Variants in DYM observed in about 807,000 individuals in gnomAD.
The protein encoded by DYM is dymeclin.
Under a neutral mutation model 93.1 loss-of-function variants are expected in DYM, and 78 were observed. The ratio of observed to expected loss-of-function variants is 0.84; its 90% CI spans 0.70 to 1.01. The LOEUF (loss-of-function observed/expected upper bound fraction) is 1.01. DYM is among the 50% of genes least tolerant of loss of function. The pLI, the probability that DYM is intolerant of heterozygous loss-of-function variation, is 0.00. For missense variants in DYM, 789 were observed against 845.0 expected (o/e 0.93, Z 0.82); for synonymous variants, 321 against 319.7 (o/e 1.00, Z -0.04).
chr18:49,330,026 C>G (rs1314732001), intron 8 of DYM, among the ~76,000 whole-genome samples: 1 of 152,170 alleles, frequency 6.6e-6, no homozygotes, highest in Non-Finnish European at 1.5e-5. Context: ...AATTACATGA[C>G]TGTGATCGTT....
Position 49,378,647 on chromosome 18 carries a change from A to G in DYM, c.341T>C (p.Leu114Pro), listed in dbSNP as rs1412584637. The G allele has an allele frequency of 6.2e-7, 1 of 1,613,334 alleles. No homozygotes were observed. Among genetic ancestry groups the G allele is most frequent in the East Asian group, 2.2e-5 (1 of 44,754 alleles). Residue 114 changes from leucine (L) to proline (P), a missense_variant, in exon 5 of 18, where the codon CTG (leucine) becomes CCG (proline). This residue lies in a region of DYM where 450 missense variants were observed against 436.2 expected (regional missense o/e 1.03). Transcript: ENST00000675505. ...HNALFIICCL[L>P]KVFICQMSEE... ...TGACATCTGACAGATGAACACTTTC[A>G]GCAAACAGCAAATAATAAACAAAGC...
intron 8 of DYM, among the ~76,000 whole-genome samples, chr18:49,303,331 A>G (rs989457550): frequency 1.3e-5 from 2 of 152,158 alleles, no homozygotes; most frequent in African/African-American, 4.8e-5. Flanking sequence ...TTGTCACTAC[A>G]TTTAAGGTGC....
intron 5 of DYM, among the ~76,000 whole-genome samples, chr18:49,366,407 A>C (rs2066519349): frequency 6.6e-6 from 1 of 152,254 alleles, no homozygotes; most frequent in Admixed American, 6.5e-5. Context: ...AGGTTCTTTG[A>C]GCAAAGGTCT....
rs140506618 is a variant in DYM, at chr18:49,253,626, A to G, written c.1460+3384T>C. ...TCCAACAAGCTCCCTCCTGCATGAC[A>G]CGATGCTCTGGTCCGCACCGGCTAC... On this transcript the variant is annotated intron_variant, in intron 13 of 17. Coordinates refer to ENST00000675505, the MANE Select transcript of DYM (RefSeq NM_001353214.3). Among the ~76,000 whole-genome samples, 3 of 152,316 alleles carry G rather than the reference A, an allele frequency of 2.0e-5. No individual in the cohort carries two copies. In the East Asian group the frequency reaches 5.8e-4, roughly 29 times the overall value.
At chr18:49,189,351 C>A (rs1343553138) in intron 14 of DYM, among the ~76,000 whole-genome samples, 3 of 152,156 alleles carry the variant, frequency 2.0e-5, no homozygotes, top group African/African-American at 7.2e-5. Context: ...ATGAGTTCAA[C>A]TGCTTCTTCT....
At chr18:49,377,589 A>C (rs1396220038) in intron 5 of DYM, among the ~76,000 whole-genome samples, 2 of 152,102 alleles carry the variant, frequency 1.3e-5, no homozygotes, top group Non-Finnish European at 2.9e-5. Flanking sequence ...ATATAAATAA[A>C]AATTCTATAA....
intron 16 of DYM, among the ~76,000 whole-genome samples, chr18:49,109,980 T>C (rs765645296): frequency 6.6e-6 from 1 of 152,220 alleles, no homozygotes; most frequent in Non-Finnish European, 1.5e-5. Flanking sequence ...AACCCCACAA[T>C]ACATTGTTAC....
chr18:49,322,845 T>A (rs2146623296), intron 8 of DYM, among the ~76,000 whole-genome samples: 1 of 152,294 alleles, frequency 6.6e-6, no homozygotes, highest in East Asian at 1.9e-4. Context: ...TTCCTACACA[T>A]TTGCTCATTT....
At chr18:49,182,523 T>C (rs533064834) in intron 14 of DYM, among the ~76,000 whole-genome samples, 2 of 152,346 alleles carry the variant, frequency 1.3e-5, no homozygotes, top group South Asian at 2.1e-4. Context: ...TTCATTGTTA[T>C]GAAATAATTT....
chr18:49,173,522 T>C (rs530998175), intron 14 of DYM, among the ~76,000 whole-genome samples: 5 of 152,256 alleles, frequency 3.3e-5, no homozygotes, highest in Admixed American at 3.3e-4. Flanking sequence ...TTTAAGTCTA[T>C]TCTTAAGTTA....
chr18:49,131,401 G>A (rs1444428247), intron 15 of DYM, among the ~76,000 whole-genome samples: 3 of 151,968 alleles, frequency 2.0e-5, no homozygotes, highest in Non-Finnish European at 4.4e-5. Flanking sequence ...GTTTTTGTAT[G>A]TTTAGTAGTG....
At chr18:49,221,020 A>T (rs953743453) in intron 13 of DYM, among the ~76,000 whole-genome samples, 1 of 152,262 alleles carries the variant, frequency 6.6e-6, no homozygotes, top group Non-Finnish European at 1.5e-5. Flanking sequence ...ACAAAGGGCT[A>T]ATATCCGGAA....
At chr18:49,073,913 A>G (rs1420615745) in intron 17 of DYM, among the ~76,000 whole-genome samples, 1 of 152,216 alleles carries the variant, frequency 6.6e-6, no homozygotes, top group Non-Finnish European at 1.5e-5. Context: ...AAGTCTGTGC[A>G]TTCACTATAG....
At chr18:49,085,304 G>C (rs2078410578) in intron 17 of DYM, among the ~76,000 whole-genome samples, 1 of 152,148 alleles carries the variant, frequency 6.6e-6, no homozygotes, top group South Asian at 2.1e-4. Flanking sequence ...GACTTTAAGT[G>C]AACTATTTCA....
chr18:49,393,231 T>C (rs527640791), intron 2 of DYM, among the ~76,000 whole-genome samples: 40 of 151,960 alleles, frequency 2.6e-4, no homozygotes, highest in Non-Finnish European at 4.3e-4. Context: ...ACTGATGGTA[T>C]GTAAAATGAT....
At chr18:49,310,348 G>A (rs1451380768) in intron 8 of DYM, among the ~76,000 whole-genome samples, 1 of 152,110 alleles carries the variant, frequency 6.6e-6, no homozygotes, top group East Asian at 1.9e-4. Context: ...AAAAGCTGAA[G>A]GAAAGGGTAA....
chr18:49,109,498 G>C (rs1568436460), intron 16 of DYM, among the ~76,000 whole-genome samples: 1 of 152,154 alleles, frequency 6.6e-6, no homozygotes, highest in Non-Finnish European at 1.5e-5. Flanking sequence ...ACTGTGAAAA[G>C]TGATATGGTA....
intron 1 of DYM, among the ~76,000 whole-genome samples, chr18:49,441,929 G>T (rs1426019109): frequency 6.6e-6 from 1 of 152,138 alleles, no homozygotes; most frequent in Non-Finnish European, 1.5e-5. Flanking sequence ...GGGTAATAAG[G>T]TGGAAAATGA....
At chr18:49,207,407 AGAG>A (rs2092570412) in intron 14 of DYM, among the ~76,000 whole-genome samples, 1 of 152,232 alleles carries the variant, frequency 6.6e-6, no homozygotes, top group African/African-American at 2.4e-5. Context: ...AGAACACAGA[AGAG>A]AAGCATAGTG....
Sources: gnomAD v4.1 joint callset for allele counts (sites outside exome capture counted in the v4.1 genomes callset) on GRCh38, gnomAD v4.1.1 for gene constraint, gnomAD v4.1.1 regional missense constraint, MANE v1.5 for transcripts, NCBI Gene and HGNC (gene_info 2026-07-23, HGNC 2026-07-21) for gene names.